ATP1A4: variants seen among roughly 807,000 people sequenced by gnomAD.
ATP1A4 encodes the protein sodium/potassium-transporting ATPase subunit alpha-4.
A neutral mutation model predicts 114.3 loss-of-function variants in ATP1A4; 90 were observed. The ratio of observed to expected loss-of-function variants is 0.79; its 90% CI spans 0.66 to 0.94. ATP1A4 has a LOEUF of 0.94. Ranked by LOEUF, ATP1A4 falls within the 40% of genes least tolerant of loss-of-function variation. The pLI is 0.00. For synonymous variants in ATP1A4, 511 were observed against 494.1 expected, an observed-to-expected ratio of 1.03 and a Z score of -0.45; for missense variants, 1,222 against 1,313.6, an observed-to-expected ratio of 0.93 and a Z score of 1.08.
In ATP1A4 at chr1:160,174,870, A is replaced by C. The variant is rs1225466479; in HGVS notation, c.2311+123A>C. 5 of 1,449,308 alleles carry C rather than the reference A, an allele frequency of 3.4e-6. No homozygotes were observed. The East Asian group carries it at 1.2e-4, about 35-fold the overall frequency. The allele number at this position is 1,449,308 out of a possible 1,614,324, so 89.8% of individuals were successfully genotyped here. The stretch of plus-strand genomic sequence containing the variant: ...CATGAGCCTGTACGGGCTCAGAAGA[A>C]AATCACTGTAAGACAAAATTTTGCA... On this transcript the variant is annotated intron_variant, in intron 15 of 21. Transcript: ENST00000368081.
In ATP1A4 at chr1:160,175,947, A is replaced by G. The variant is rs557521932; in HGVS notation, c.2312-145A>G. 7.8e-6 allele frequency: 6 copies of G among 773,090 alleles called. 1 individual carries two copies. In the African/African-American group the frequency reaches 8.7e-5, roughly 11 times the overall value. The allele number at this position is 773,090 out of a possible 1,614,324, so 47.9% of individuals were successfully genotyped here. A position where few individuals can be genotyped will look rare whatever the true frequency, so the allele number is the denominator to read the frequency against. On this transcript the variant is annotated intron_variant, in intron 15 of 21. Coordinates refer to ENST00000368081, the MANE Select transcript of ATP1A4 (RefSeq NM_144699.4). Reference sequence around the variant, plus strand: ...ATTAAAAGGCACACAATTTAGAAACAATACTGGGACCCTGGAGGTCTAGGA... The same window carrying G: ...ATTAAAAGGCACACAATTTAGAAACGATACTGGGACCCTGGAGGTCTAGGA...
At position 160,186,920 on chromosome 1, in the gene ATP1A4, C is replaced by T. The variant is rs1343133184; in HGVS notation, c.*221C>T. ...CTAGCTGGAGCCCCGCAGGGAGGGG[C>T]ATGGTCCTGCTGAATCCCGTAGCCA... On this transcript the variant is annotated 3_prime_UTR_variant, in exon 22 of 22. Coordinates refer to ENST00000368081, the MANE Select transcript of ATP1A4 (RefSeq NM_144699.4). 1.6e-6 allele frequency: 1 copy of T among 609,052 alleles called. No homozygotes were observed. The highest frequency in any genetic ancestry group is 2.9e-6 in the Non-Finnish European group (1 of 339,114). 37.7% of individuals were successfully genotyped at this position (609,052 alleles called of 1,614,324 possible). A position where few individuals can be genotyped will look rare whatever the true frequency, so the allele number is the denominator to read the frequency against.
At position 160,171,740 on chromosome 1, in the gene ATP1A4, C is replaced by T. The variant is rs755473222; in HGVS notation, c.1837C>T (p.Arg613Cys). 45 of 1,613,976 alleles carry T rather than the reference C, an allele frequency of 2.8e-5. No homozygotes were observed. Among genetic ancestry groups the T allele is most frequent in the South Asian group, 7.7e-5 (7 of 91,056 alleles). ...AAVPDAVSKC[R>C]SAGIKVIMVT... is the part of the protein sequence containing the mutation. ...AGTGCCTGATGCTGTGAGCAAGTGT[C>T]GCAGTGCAGGAATTAAGGTAAATAC... The change falls in exon 12 of 22, where the codon CGC becomes TGC. Residue 613 changes from arginine (R) to cysteine (C), a missense_variant. Coordinates refer to ENST00000368081, the MANE Select transcript of ATP1A4 (RefSeq NM_144699.4).
chr1:160,181,861 C>T (rs1362074260), intron 19 of ATP1A4, 47 bp downstream of exon 19: 1 of 1,613,792 alleles, frequency 6.2e-7, no homozygotes, highest in South Asian at 1.1e-5. Context: ...GCCCCACACA[C>T]CAGGACATGC....
In ATP1A4 at chr1:160,171,648, TA is replaced by T. The variant is rs751756256; in HGVS notation, c.1748del (p.Asn583IlefsTer15). 1.2e-6 allele frequency: 2 copies of T among 1,614,124 alleles called. No individual in the cohort carries two copies. Among genetic ancestry groups the T allele is most frequent in the Admixed American group, 1.7e-5 (1 of 60,004 alleles). ...GGATTCCCATTTAATACAGATGAAA[TA>T]AATTTCCCCATGGACAACCTTTGTT... The part of the protein sequence containing the change: ...SKGFPFNTDE[I>X]NFPMDNLCFV... On this transcript the variant is annotated frameshift_variant, in exon 12 of 22. Transcript: ENST00000368081. LOFTEE classifies it high-confidence loss of function.
At position 160,176,495 on chromosome 1, in the gene ATP1A4, T is replaced by A. The variant is rs754917328; in HGVS notation, c.2483T>A (p.Leu828Ter). 5 of 1,614,150 alleles carry A rather than the reference T, an allele frequency of 3.1e-6. No homozygotes were observed. In the South Asian group the frequency reaches 5.5e-5, roughly 18 times the overall value. The change falls in exon 17 of 22, where the codon TTG (leucine) becomes TAG (stop). Residue 828 changes from leucine to a stop codon, truncating the protein, a stop_gained. Transcript: ENST00000368081. LOFTEE classifies it high-confidence loss of function. ...ATCCTCCAGGTCCCTGCCATCTCCT[T>A]GGCTTATGAGTCAGCTGAAAGCGAC... is the stretch of plus-strand genomic sequence containing the variant. ...LGTDMVPAIS[L>*]AYESAESDIM...
intron 7 of ATP1A4, among the ~76,000 whole-genome samples, chr1:160,166,133 G>T (rs925977833): frequency 2.6e-5 from 4 of 152,148 alleles, no homozygotes; most frequent in African/African-American, 7.2e-5. Context: ...AGCTGAACAT[G>T]GTGGTGCATG....
At chr1:160,169,824 T>G (rs2101641132) in intron 10 of ATP1A4, 1 of 152,270 alleles carries the variant, frequency 6.6e-6, no homozygotes, top group Admixed American at 6.5e-5. Flanking sequence ...ATGTGCCCTT[T>G]CCCTCCCCCA....
intron 20 of ATP1A4, among the ~76,000 whole-genome samples, chr1:160,185,152 G>A (rs537878861): frequency 3.4e-5 from 5 of 147,108 alleles, no homozygotes; most frequent in South Asian, 4.3e-4. Context: ...TCGCTCTGTC[G>A]CCCAGGCTGG....
At chr1:160,186,644 T>C (rs759400298) in intron 21 of ATP1A4, 27 bp from the exon 22 acceptor site, 3 of 1,606,850 alleles carry the variant, frequency 1.9e-6, no homozygotes, top group Non-Finnish European at 2.5e-6. Flanking sequence ...CTTCTCCCAG[T>C]TCACGCTGGC....
chr1:160,168,377 C>CTTTT (rs11397218), intron 10 of ATP1A4, among the ~76,000 whole-genome samples: 1,216 of 97,000 alleles, frequency 0.013, 46 homozygotes, highest in South Asian at 0.056. Flanking sequence ...CTGCTGGTAT[C>CTTTT]TTTTTTTTTT....
At chr1:160,175,276 A>G (rs892053224) in intron 15 of ATP1A4, among the ~76,000 whole-genome samples, 1 of 152,208 alleles carries the variant, frequency 6.6e-6, no homozygotes, top group Non-Finnish European at 1.5e-5. Context: ...AGAATTCTGC[A>G]TTCCAGGTTC....
Position 160,174,168 on chromosome 1 carries a change from G to C in ATP1A4, c.2049G>C (p.Gln683His), listed in dbSNP as rs1653366836. The change falls in exon 14 of 22, where the codon CAG (glutamine) becomes CAC (histidine). Residue 683 changes from glutamine (Q) to histidine (H), a missense_variant. Coordinates refer to ENST00000368081, the MANE Select transcript of ATP1A4 (RefSeq NM_144699.4). ...GAELKDIQSK[Q>H]LDQILQNHPE... ...AACTGAAGGACATACAGTCCAAGCA[G>C]CTTGATCAGATCCTCCAGAACCACC... The C allele has an allele frequency of 8.1e-6, 13 of 1,614,180 alleles. No homozygotes were observed. The highest frequency in any genetic ancestry group is 1.1e-5 in the South Asian group (1 of 91,074).
intron 12 of ATP1A4, 42 bp from the exon 13 acceptor site, chr1:160,173,539 T>C: frequency 1.3e-6 from 2 of 1,599,428 alleles, no homozygotes; most frequent in Non-Finnish European, 1.7e-6. Flanking sequence ...ATCCGGGCTC[T>C]GAAGATGATT....
chr1:160,172,586 C>T (rs1478294307), intron 12 of ATP1A4, among the ~76,000 whole-genome samples: 1 of 152,134 alleles, frequency 6.6e-6, no homozygotes, highest in East Asian at 1.9e-4. Flanking sequence ...CCCATGTTTC[C>T]CAGGTCAAAT....
intron 2 of ATP1A4, among the ~76,000 whole-genome samples, chr1:160,154,810 G>T (rs989387633): frequency 2.0e-5 from 3 of 152,108 alleles, no homozygotes; most frequent in African/African-American, 4.8e-5. Context: ...GTTCAAAAAG[G>T]TTTGTGAATC....
At chr1:160,168,308 G>A (rs1653113063) in intron 10 of ATP1A4, among the ~76,000 whole-genome samples, 1 of 151,250 alleles carries the variant, frequency 6.6e-6, no homozygotes, top group African/African-American at 2.4e-5. Context: ...TACTGAAAAG[G>A]CCAGACATTC....
chr1:160,156,000 G>C (rs1171612866), intron 3 of ATP1A4, 45 bp from the exon 4 acceptor site: 1 of 1,191,196 alleles, frequency 8.4e-7, no homozygotes, highest in Admixed American at 1.7e-5. Context: ...GGATGAAGAA[G>C]ACGACAAGGT....
intron 18 of ATP1A4, 69 bp from the exon 19 acceptor site, chr1:160,181,615 G>A: frequency 1.9e-6 from 3 of 1,557,320 alleles, no homozygotes; most frequent in African/African-American, 1.4e-5. Context: ...GAAGGTGGGA[G>A]AGGAAAGAAG....
Sources: gnomAD v4.1 joint callset for allele counts (sites outside exome capture counted in the v4.1 genomes callset) on GRCh38, gnomAD v4.1.1 for gene constraint, MANE v1.5 for transcripts, NCBI Gene and HGNC (gene_info 2026-07-23, HGNC 2026-07-21) for gene names.